PTPRM: variants seen among roughly 807,000 people sequenced by gnomAD.
The protein encoded by PTPRM is receptor-type tyrosine-protein phosphatase mu.
Under a neutral mutation model 186.7 loss-of-function variants are expected in PTPRM, and 47 were observed. That is an observed-to-expected ratio of 0.25 (90% CI 0.20 to 0.32). The LOEUF (loss-of-function observed/expected upper bound fraction) is 0.32. PTPRM is among the 10% of genes least tolerant of loss of function. PTPRM has a pLI of 1.00. For missense variants in PTPRM, 1,494 were observed against 1,865.0 expected, an observed-to-expected ratio of 0.80 and a Z score of 3.66; for synonymous variants, 668 against 674.9, an observed-to-expected ratio of 0.99 and a Z score of 0.16.
At chr18:7,926,405 T>G (rs761759155) in intron 4 of PTPRM, among the ~76,000 whole-genome samples, 163 bp from the exon 5 acceptor site, 3 of 152,228 alleles carry the variant, frequency 2.0e-5, no homozygotes, top group Non-Finnish European at 4.4e-5. Context: ...TATGATTTTT[T>G]AAAAATTATA....
chr18:7,910,586 A>G (rs1187844494), intron 4 of PTPRM, among the ~76,000 whole-genome samples: 2 of 152,178 alleles, frequency 1.3e-5, no homozygotes, highest in Non-Finnish European at 2.9e-5. Flanking sequence ...GGGACCATTC[A>G]GAGGCTGAAG....
At chr18:7,729,377 G>A (rs1433098980) in intron 1 of PTPRM, among the ~76,000 whole-genome samples, 1 of 152,188 alleles carries the variant, frequency 6.6e-6, no homozygotes, top group Non-Finnish European at 1.5e-5. Context: ...CCTCTGGGTA[G>A]TGAAATAGAT....
At chr18:7,873,617 G>A (rs1166020240) in intron 2 of PTPRM, among the ~76,000 whole-genome samples, 3 of 152,204 alleles carry the variant, frequency 2.0e-5, no homozygotes, top group Admixed American at 2.0e-4. Flanking sequence ...CCAAAAGGAG[G>A]GAGTGGGGGA....
rs1165672986 is a variant in PTPRM at position 8,240,838 on chromosome 18, G to GA, written c.2301-3217dup. Among the ~76,000 whole-genome samples, 321 of 92,140 alleles carry GA rather than the reference G, an allele frequency of 3.5e-3. 10 individuals are homozygous for GA. Among genetic ancestry groups the GA allele is most frequent in the African/African-American group, 0.016 (306 of 18,674 alleles). 60.4% of individuals were successfully genotyped at this position (92,140 alleles called of 152,430 possible). A position where few individuals can be genotyped will look rare whatever the true frequency, so the allele number is the denominator to read the frequency against. ...AGAGAGAGAGAGAGAAAGAAAGAAA[G>GA]AAAGAAAAGAAAGAAAGAAAGAAAT... On this transcript the variant is annotated intron_variant, in intron 14 of 32. Transcript: ENST00000580170.
Position 7,923,248 on chromosome 18 carries a change from T to C in PTPRM, c.548-3320T>C, listed in dbSNP as rs56696104. Among the ~76,000 whole-genome samples the C allele has an allele frequency of 2.9e-3, 439 of 152,314 alleles. 4 individuals carry two copies. Among genetic ancestry groups the C allele is most frequent in the African/African-American group, 1.0e-2 (414 of 41,562 alleles). Reference sequence around the variant, plus strand: ...GTGTTAGAGACCTAGCTTGCTGTAGTAACCTGTAGCTGGGGGAGAGCAGGA... The same window carrying C: ...GTGTTAGAGACCTAGCTTGCTGTAGCAACCTGTAGCTGGGGGAGAGCAGGA... On this transcript the variant is annotated intron_variant, in intron 4 of 32. Transcript: ENST00000580170.
rs117688684 is a variant in PTPRM, at chr18:8,293,755, A to G, written c.2755-2613A>G. On this transcript the variant is annotated intron_variant, in intron 19 of 32. Coordinates refer to ENST00000580170, the MANE Select transcript of PTPRM (RefSeq NM_001105244.2). ...CTGAAGCTATTTTTAAATGCATGTT[A>G]TGTAGCAGAATAGAAGCTACATGTT... Among the ~76,000 whole-genome samples the G allele has an allele frequency of 6.1e-3, 926 of 152,336 alleles. 4 individuals are homozygous for G. Among genetic ancestry groups the G allele is most frequent in the Non-Finnish European group, 8.3e-3 (562 of 68,018 alleles).
chr18:7,612,878 C>T (rs995712145), intron 1 of PTPRM, among the ~76,000 whole-genome samples: 2 of 152,176 alleles, frequency 1.3e-5, no homozygotes, highest in Non-Finnish European at 2.9e-5. Context: ...ATGTACCTAG[C>T]TCCCATCGAG....
At chr18:7,772,444 C>CCCTTCTCCTT in intron 1 of PTPRM, among the ~76,000 whole-genome samples, 1 of 92,352 alleles carries the variant, frequency 1.1e-5, no homozygotes, top group Non-Finnish European at 2.0e-5. Context: ...CTTCCCCTTC[C>CCCTTCTCCTT]CCTTCCTTCC....
At chr18:8,217,017 C>CTA (rs1425629036) in intron 14 of PTPRM, among the ~76,000 whole-genome samples, 10 of 152,160 alleles carry the variant, frequency 6.6e-5, no homozygotes, top group African/African-American at 2.4e-4. Flanking sequence ...AACTCTTAGT[C>CTA]CATTTTGAAA....
chr18:8,020,409 G>A (rs1029562582), intron 7 of PTPRM, among the ~76,000 whole-genome samples: 2 of 152,178 alleles, frequency 1.3e-5, no homozygotes, highest in African/African-American at 4.8e-5. Flanking sequence ...ATGTGGTCAA[G>A]AAGAATTTTC....
At chr18:8,044,427 A>G (rs532205524) in intron 7 of PTPRM, among the ~76,000 whole-genome samples, 1 of 152,290 alleles carries the variant, frequency 6.6e-6, no homozygotes, top group African/African-American at 2.4e-5. Context: ...GGATGTGTAA[A>G]TATGACTCAA....
Position 8,296,462 on chromosome 18 carries a change from G to A in PTPRM, c.2842+7G>A. The A allele has an allele frequency of 1.3e-6, 2 of 1,579,000 alleles. No individual in the cohort carries two copies. Among genetic ancestry groups the A allele is most frequent in the Non-Finnish European group, 1.7e-6 (2 of 1,148,244 alleles). ...TACGGGAATATCATTGCATGTAAGTGTCAACAGTGTCATTGTGCTGTTGTA... is the reference window on the plus strand; with the variant it reads ...TACGGGAATATCATTGCATGTAAGTATCAACAGTGTCATTGTGCTGTTGTA... On this transcript the variant is annotated splice_region_variant and intron_variant, in intron 20 of 32. Coordinates refer to ENST00000580170, the MANE Select transcript of PTPRM (RefSeq NM_001105244.2).
chr18:7,822,258 A>G (rs903643094), intron 2 of PTPRM, among the ~76,000 whole-genome samples: 2 of 152,204 alleles, frequency 1.3e-5, no homozygotes, highest in Admixed American at 6.5e-5. Flanking sequence ...TATCTCATCC[A>G]CTTCAGAATG....
chr18:8,363,603 T>C lies in PTPRM; in HGVS notation c.3055-7287T>C, dbSNP rs76858955. On this transcript the variant is annotated intron_variant, in intron 23 of 32. Transcript: ENST00000580170. Reference sequence around the variant, plus strand: ...TGTGACACTCTCTGTTTATTGCCCTTGCTGGTGGCAAATCTCCCTCCCCTG... The same window carrying C: ...TGTGACACTCTCTGTTTATTGCCCTCGCTGGTGGCAAATCTCCCTCCCCTG... 4.1e-3 allele frequency among the ~76,000 whole-genome samples: 624 copies of C among 152,348 alleles called. 6 individuals are homozygous for C. The highest frequency in any genetic ancestry group is 0.014 in the African/African-American group (584 of 41,590).
intron 2 of PTPRM, among the ~76,000 whole-genome samples, chr18:7,813,132 A>G (rs1250337453): frequency 6.6e-6 from 1 of 152,240 alleles, no homozygotes; most frequent in Non-Finnish European, 1.5e-5. Context: ...TGTAAGAGAC[A>G]AACATATGCC....
chr18:8,387,737 T>TGTGTGTGTGTGTGCGTGTGTGC (rs2095786263), intron 31 of PTPRM, among the ~76,000 whole-genome samples: 4 of 84,978 alleles, frequency 4.7e-5, no homozygotes, highest in South Asian at 3.7e-4. Flanking sequence ...GGACCTGGAG[T>TGTGTGTGTGTGTGCGTGTGTGC]GTGTGTGTGT....
In PTPRM at chr18:8,369,339, G is replaced by A. The variant is rs1772082436; in HGVS notation, c.3055-1551G>A. On this transcript the variant is annotated intron_variant, in intron 23 of 32. Transcript: ENST00000580170. ...GAGCAGAACAAGTAAATAGCACTGG[G>A]ATTACACATTGAGAGAGTTTTTGTG... Among the ~76,000 whole-genome samples the A allele has an allele frequency of 2.6e-5, 4 of 152,326 alleles. No individual in the cohort carries two copies. The South Asian group carries it at 8.3e-4, about 32-fold the overall frequency.
intron 2 of PTPRM, among the ~76,000 whole-genome samples, chr18:7,795,363 C>T (rs2043570682): frequency 6.6e-6 from 1 of 151,880 alleles, no homozygotes; most frequent in Non-Finnish European, 1.5e-5. Flanking sequence ...ATTTTTAAAC[C>T]TCTAAGGAGA....
intron 23 of PTPRM, among the ~76,000 whole-genome samples, chr18:8,362,403 A>G (rs1036149936): frequency 2.0e-5 from 3 of 152,154 alleles, no homozygotes; most frequent in African/African-American, 4.8e-5. Flanking sequence ...CTCCTGTTGA[A>G]TACAAACTTT....
Sources: allele counts gnomAD v4.1 joint callset (sites outside exome capture counted in the v4.1 genomes callset), GRCh38; gene constraint gnomAD v4.1.1; transcripts MANE v1.5; gene names NCBI Gene and HGNC (gene_info 2026-07-23, HGNC 2026-07-21).